Variants in SLC22A16 observed in about 807,000 individuals in gnomAD.
The protein encoded by SLC22A16 is solute carrier family 22 member 16.
SLC22A16 carries 53 observed loss-of-function variants against 52.9 expected under a neutral mutation model. That is an observed-to-expected ratio of 1.00 (90% CI 0.80 to 1.26). The LOEUF (loss-of-function observed/expected upper bound fraction) is 1.26, where lower values mean the gene tolerates loss of function less well. Among genes scored for constraint, SLC22A16 ranks in the 50% most tolerant of loss-of-function variants. The pLI is 0.00. For missense variants in SLC22A16, 726 were observed against 704.0 expected, an observed-to-expected ratio of 1.03 and a Z score of -0.35; for synonymous variants, 291 against 268.8, an observed-to-expected ratio of 1.08 and a Z score of -0.81.
At chr6:110,451,778 T>A (rs1775389617) in intron 2 of SLC22A16, among the ~76,000 whole-genome samples, 1 of 152,198 alleles carries the variant, frequency 6.6e-6, no homozygotes, top group Admixed American at 6.5e-5. Context: ...GAAGTCAAAT[T>A]TATCCATTTT....
chr6:110,456,118 A>G (rs56067393), intron 2 of SLC22A16: 1 of 169,896 alleles, frequency 5.9e-6, no homozygotes, highest in Admixed American at 5.7e-5. Flanking sequence ...TACTCCTATT[A>G]AAAAGCAAGT....
chr6:110,427,034 G>C (rs565274295), intron 7 of SLC22A16, among the ~76,000 whole-genome samples: 2 of 150,788 alleles, frequency 1.3e-5, no homozygotes, highest in Non-Finnish European at 3.0e-5. Flanking sequence ...GGCGGATCAC[G>C]TGAGGTCAGG....
rs956159010 is a variant in SLC22A16, at chr6:110,442,124, G to A, written c.1183+120C>T. 5.5e-6 allele frequency: 5 copies of A among 912,250 alleles called. No individual in the cohort carries two copies. In the African/African-American group the frequency reaches 8.4e-5, roughly 15 times the overall value. 56.5% of individuals were successfully genotyped at this position (912,250 alleles called of 1,614,324 possible). ...TAATATGGTTGGCAGTATTGTTCCT[G>A]GTTTTAAAGGGCCTATTAAAAACAT... is the stretch of plus-strand genomic sequence containing the variant. On this transcript the variant is annotated intron_variant, in intron 4 of 7. Coordinates refer to ENST00000368919, the MANE Select transcript of SLC22A16 (RefSeq NM_033125.4).
chr6:110,467,064 C>T (rs1044101641), intron 1 of SLC22A16, among the ~76,000 whole-genome samples: 7 of 152,294 alleles, frequency 4.6e-5, no homozygotes, highest in African/African-American at 1.7e-4. Flanking sequence ...TTTAAAAAGA[C>T]AGCTAATATC....
At chr6:110,471,537 A>G (rs1253421912) in intron 1 of SLC22A16, among the ~76,000 whole-genome samples, 2 of 152,266 alleles carry the variant, frequency 1.3e-5, no homozygotes, top group Non-Finnish European at 2.9e-5. Context: ...ATTAAATACT[A>G]TGTAGCTGTG....
intron 3 of SLC22A16, among the ~76,000 whole-genome samples, chr6:110,446,136 A>T (rs774382723): frequency 2.0e-5 from 3 of 152,118 alleles, no homozygotes; most frequent in Non-Finnish European, 2.9e-5. Context: ...CAAGATCACA[A>T]GCTCCTCCTC....
chr6:110,447,390 G>C (rs1255203505), intron 2 of SLC22A16, among the ~76,000 whole-genome samples: 1 of 152,066 alleles, frequency 6.6e-6, no homozygotes, highest in Non-Finnish European at 1.5e-5. Flanking sequence ...AAAAACAGAG[G>C]TCTTGCTACC....
At chr6:110,451,409 T>C (rs1775375628) in intron 2 of SLC22A16, among the ~76,000 whole-genome samples, 1 of 152,226 alleles carries the variant, frequency 6.6e-6, no homozygotes, top group African/African-American at 2.4e-5. Flanking sequence ...ATTCTCAGTT[T>C]GCATTCACAC....
intron 1 of SLC22A16, among the ~76,000 whole-genome samples, chr6:110,457,668 C>A (rs984911477): frequency 5.9e-5 from 9 of 152,066 alleles, no homozygotes; most frequent in African/African-American, 2.2e-4. Flanking sequence ...CTAAGAAAAA[C>A]CAGGCCATAC....
chr6:110,444,484 A>G (rs1207179817), intron 3 of SLC22A16, among the ~76,000 whole-genome samples: 1 of 152,242 alleles, frequency 6.6e-6, no homozygotes, highest in Admixed American at 6.5e-5. Context: ...AAAAGTTAAC[A>G]GGTCTCTCTG....
chr6:110,442,756 AC>A lies in SLC22A16; in HGVS notation c.670del (p.Val224TrpfsTer7), dbSNP rs772967116. On this transcript the variant is annotated frameshift_variant, in exon 4 of 8. Coordinates refer to ENST00000368919, the MANE Select transcript of SLC22A16 (RefSeq NM_033125.4). LOFTEE classifies it high-confidence loss of function. Reference sequence around the variant, plus strand: ...TTCCATCACATAGACAAACCCCACCACAAGATAGCCACTTGCAACCTGAAAA... The same window carrying A: ...TTCCATCACATAGACAAACCCCACCAAAGATAGCCACTTGCAACCTGAAAA... Reference protein sequence around the residue: ...FLAMVASGYLVVGFVYVMEFI... With the variant: ...FLAMVASGYLXVGFVYVMEFI... 3.7e-6 allele frequency: 6 copies of A among 1,613,000 alleles called. No homozygotes were observed. In the Admixed American group the frequency reaches 5.0e-5, roughly 13 times the overall value.
chr6:110,433,819 GCAGATAGGAAAC>G (rs1774604628), intron 6 of SLC22A16, among the ~76,000 whole-genome samples: 1 of 152,212 alleles, frequency 6.6e-6, no homozygotes, highest in South Asian at 2.1e-4. Flanking sequence ...AGGGAGGACT[GCAGATAGGAAAC>G]TATTACGGAA....
intron 3 of SLC22A16, among the ~76,000 whole-genome samples, chr6:110,443,495 C>A (rs1371653084): frequency 6.6e-6 from 1 of 151,598 alleles, no homozygotes; most frequent in Non-Finnish European, 1.5e-5. Context: ...AAAGAGATAC[C>A]CCCTCATACA....
chr6:110,473,691 A>C (rs1229302623), intron 1 of SLC22A16, among the ~76,000 whole-genome samples: 1 of 137,936 alleles, frequency 7.2e-6, no homozygotes. Flanking sequence ...TGCCAGGCTC[A>C]TTTTTTTGTA....
intron 3 of SLC22A16, among the ~76,000 whole-genome samples, chr6:110,445,331 AC>A (rs1775128385): frequency 6.6e-6 from 1 of 152,024 alleles, no homozygotes; most frequent in East Asian, 1.9e-4. Context: ...CAGTGAGAAA[AC>A]CCTTGACCCT....
At chr6:110,429,958 G>A (rs1204520113) in intron 7 of SLC22A16, among the ~76,000 whole-genome samples, 1 of 152,082 alleles carries the variant, frequency 6.6e-6, no homozygotes, top group Non-Finnish European at 1.5e-5. Context: ...GCTGAGTCTG[G>A]AGAGGAGGGG....
chr6:110,443,835 T>C (rs1340643634), intron 3 of SLC22A16, among the ~76,000 whole-genome samples: 2 of 152,168 alleles, frequency 1.3e-5, no homozygotes, highest in Non-Finnish European at 2.9e-5. Flanking sequence ...ATACAATGAA[T>C]ATTATGCTAA....
intron 2 of SLC22A16, among the ~76,000 whole-genome samples, chr6:110,454,347 G>A (rs1469608411): frequency 1.3e-5 from 2 of 151,402 alleles, no homozygotes; most frequent in Non-Finnish European, 2.9e-5. Context: ...TACAGACACT[G>A]GGAGTCAGGG....
At chr6:110,471,768 G>C (rs906181447) in intron 1 of SLC22A16, among the ~76,000 whole-genome samples, 1 of 152,208 alleles carries the variant, frequency 6.6e-6, no homozygotes, top group Admixed American at 6.5e-5. Flanking sequence ...TGTGTTCACT[G>C]TATGACAACT....
Sources: allele counts gnomAD v4.1 joint callset (sites outside exome capture counted in the v4.1 genomes callset), GRCh38; gene constraint gnomAD v4.1.1; transcripts MANE v1.5; gene names NCBI Gene and HGNC (gene_info 2026-07-23, HGNC 2026-07-21).